ELMO1: variants seen among roughly 807,000 people sequenced by gnomAD.
ELMO1 encodes engulfment and cell motility protein 1.
A neutral mutation model predicts 98.9 loss-of-function variants in ELMO1; 26 were observed. That is an observed-to-expected ratio of 0.26 (90% confidence interval 0.19 to 0.36). ELMO1 has a LOEUF of 0.36. Ranked by LOEUF, ELMO1 falls within the 10% of genes least tolerant of loss-of-function variation. The pLI is 1.00. For missense variants in ELMO1, 627 were observed against 935.2 expected (o/e 0.67, Z 4.30); for synonymous variants, 346 against 346.0 (o/e 1.00, Z 0.00).
intron 4 of ELMO1, among the ~76,000 whole-genome samples, chr7:37,295,494 A>T (rs1266238349): frequency 6.6e-6 from 1 of 152,238 alleles, no homozygotes; most frequent in Non-Finnish European, 1.5e-5. Flanking sequence ...TGGATTTCTT[A>T]CATCTATGCT....
At chr7:37,227,809 T>A (rs949484780) in intron 8 of ELMO1, among the ~76,000 whole-genome samples, 19 of 152,216 alleles carry the variant, frequency 1.2e-4, no homozygotes, top group Non-Finnish European at 2.9e-5. Flanking sequence ...TAATTTGCTG[T>A]CTTTGCTTTA....
intron 13 of ELMO1, among the ~76,000 whole-genome samples, chr7:37,189,042 G>A (rs1448516543): frequency 6.6e-6 from 1 of 152,192 alleles, no homozygotes; most frequent in African/African-American, 2.4e-5. Flanking sequence ...TGATTAAGCT[G>A]TAGGTGTATT....
chr7:36,920,968 A>G (rs1785101901), intron 16 of ELMO1, among the ~76,000 whole-genome samples: 1 of 152,174 alleles, frequency 6.6e-6, no homozygotes, highest in African/African-American at 2.4e-5. Context: ...GAGCCTTTGA[A>G]GGGAGAGGAT....
intron 16 of ELMO1, among the ~76,000 whole-genome samples, chr7:36,972,308 G>C (rs931861985): frequency 6.6e-6 from 1 of 152,124 alleles, no homozygotes; most frequent in Admixed American, 6.6e-5. Context: ...ATGCCATGTC[G>C]CAATTTCAAA....
intron 16 of ELMO1, chr7:36,985,216 T>C (rs1791410515): frequency 5.9e-6 from 4 of 679,498 alleles, no homozygotes; most frequent in Non-Finnish European, 5.4e-6. Flanking sequence ...AATATAACTT[T>C]GCAAACCCTC....
intron 1 of ELMO1, among the ~76,000 whole-genome samples, chr7:37,345,852 G>A (rs6967063): frequency 9.4e-4 from 142 of 151,300 alleles, no homozygotes; most frequent in African/African-American, 3.3e-3. Context: ...AGCCGGGCGT[G>A]GTGGTGGGTG....
chr7:37,286,710 C>G (rs1335151899), intron 4 of ELMO1, among the ~76,000 whole-genome samples: 1 of 152,112 alleles, frequency 6.6e-6, no homozygotes, highest in African/African-American at 2.4e-5. Context: ...AATACAAGTC[C>G]GCCCATTTGG....
At chr7:37,396,042 C>G (rs2251288) in intron 1 of ELMO1, among the ~76,000 whole-genome samples, 73,923 of 151,928 alleles carry the variant, frequency 0.49, 19,677 homozygotes, top group Non-Finnish European at 0.6. Flanking sequence ...CATCATTGCA[C>G]TCCTTGGTGA....
At chr7:37,372,414 T>A (rs76164286) in intron 1 of ELMO1, among the ~76,000 whole-genome samples, 2,204 of 152,134 alleles carry the variant, frequency 0.014, 49 homozygotes, top group African/African-American at 0.051. Context: ...ACTCATAGGG[T>A]TGCTGTGATG....
At chr7:37,284,720 A>G (rs1237975251) in intron 4 of ELMO1, among the ~76,000 whole-genome samples, 2 of 152,146 alleles carry the variant, frequency 1.3e-5, no homozygotes, top group South Asian at 4.1e-4. Context: ...TCCTACCAAC[A>G]TATCAGAGAT....
intron 14 of ELMO1, among the ~76,000 whole-genome samples, chr7:37,124,704 T>A (rs568766053): frequency 0.036 from 5,509 of 152,168 alleles, 279 homozygotes; most frequent in African/African-American, 0.11. Context: ...AAAATGGCCA[T>A]ACTGCTCAAG....
chr7:37,081,125 T>C (rs1797846187), intron 15 of ELMO1, among the ~76,000 whole-genome samples: 1 of 152,200 alleles, frequency 6.6e-6, no homozygotes, highest in African/African-American at 2.4e-5. Flanking sequence ...AGTGCTAACA[T>C]GTTAAGTGTA....
intron 15 of ELMO1, among the ~76,000 whole-genome samples, chr7:37,035,129 T>C (rs1399951710): frequency 1.3e-5 from 2 of 152,224 alleles, no homozygotes; most frequent in Admixed American, 1.3e-4. Context: ...TTGTCTTCAT[T>C]AAAAACCTGT....
chr7:36,964,301 A>G (rs1377840737), intron 16 of ELMO1, among the ~76,000 whole-genome samples: 1 of 152,232 alleles, frequency 6.6e-6, no homozygotes, highest in Non-Finnish European at 1.5e-5. Flanking sequence ...AGCTTAGCAT[A>G]GCCTACCTTA....
chr7:36,925,975 C>T (rs1241163386), intron 16 of ELMO1, among the ~76,000 whole-genome samples: 1 of 152,138 alleles, frequency 6.6e-6, no homozygotes, highest in Non-Finnish European at 1.5e-5. Context: ...CAGATGACTG[C>T]CCAGGTCCAG....
chr7:36,961,608 G>A (rs370130925), intron 16 of ELMO1, among the ~76,000 whole-genome samples: 4 of 152,232 alleles, frequency 2.6e-5, no homozygotes, highest in African/African-American at 9.6e-5. Context: ...TTAATTGAAT[G>A]GAAACATCTA....
At chr7:37,403,678 C>T (rs768170511) in intron 1 of ELMO1, among the ~76,000 whole-genome samples, 6 of 152,026 alleles carry the variant, frequency 3.9e-5, no homozygotes, top group Non-Finnish European at 8.8e-5. Flanking sequence ...CAGAGTAGCT[C>T]GGACTACAGG....
intron 13 of ELMO1, among the ~76,000 whole-genome samples, chr7:37,144,752 CA>C (rs1787874360): frequency 6.6e-6 from 1 of 152,114 alleles, no homozygotes. Context: ...TAGTACCAAC[CA>C]GCTGAAAATA....
chr7:37,194,524 G>T (rs963424352), intron 13 of ELMO1, among the ~76,000 whole-genome samples: 3 of 152,002 alleles, frequency 2.0e-5, no homozygotes, highest in Non-Finnish European at 4.4e-5. Context: ...TACTACCACC[G>T]AAGTGAAATC....
Sources: gnomAD v4.1 joint callset for allele counts (sites outside exome capture counted in the v4.1 genomes callset) on GRCh38, gnomAD v4.1.1 for gene constraint, MANE v1.5 for transcripts, NCBI Gene and HGNC (gene_info 2026-07-23, HGNC 2026-07-21) for gene names.